ADAMTSL1: variants seen among roughly 807,000 people sequenced by gnomAD.
ADAMTSL1 encodes ADAMTS like 1.
In ADAMTSL1, 126 loss-of-function variants were observed where a neutral mutation model predicts 201.8. The ratio of observed to expected loss-of-function variants is 0.62; its 90% confidence interval spans 0.54 to 0.72. The LOEUF (loss-of-function observed/expected upper bound fraction) is 0.72. ADAMTSL1 is among the 30% of genes least tolerant of loss of function. The pLI is 0.00. For synonymous variants in ADAMTSL1, 1,121 were observed against 903.4 expected, an observed-to-expected ratio of 1.24 and a Z score of -4.32; for missense variants, 2,679 against 2,277.8, an observed-to-expected ratio of 1.18 and a Z score of -3.59.
chr9:18,287,983 T>C (rs1563860508), intron 2 of ADAMTSL1, among the ~76,000 whole-genome samples: 1 of 152,108 alleles, frequency 6.6e-6, no homozygotes, highest in Non-Finnish European at 1.5e-5. Flanking sequence ...TTCTAAAGTG[T>C]ATTGAGATTG....
Position 18,777,912 on chromosome 9 carries a change from C to G in ADAMTSL1, c.3677+6C>G. On this transcript the variant is annotated splice_donor_region_variant and intron_variant, in intron 19 of 28. Coordinates refer to ENST00000380548, the MANE Select transcript of ADAMTSL1 (RefSeq NM_001040272.6). Reference sequence around the variant, plus strand: ...GAAGTTCAGTTCAGTGACAGGTGAGCCTTGTAGCTAACCTGGTCTTGGGAG... The same window carrying G: ...GAAGTTCAGTTCAGTGACAGGTGAGGCTTGTAGCTAACCTGGTCTTGGGAG... 1.3e-6 allele frequency: 2 copies of G among 1,531,694 alleles called. No homozygotes were observed. The highest frequency in any genetic ancestry group is 2.3e-5 in the East Asian group (1 of 43,940). The allele number at this position is 1,531,694 out of a possible 1,614,324, so 94.9% of individuals were successfully genotyped here. A position where few individuals can be genotyped will look rare whatever the true frequency, so the allele number is the denominator to read the frequency against.
intron 1 of ADAMTSL1, among the ~76,000 whole-genome samples, chr9:17,992,965 G>A (rs546614469): frequency 1.3e-5 from 2 of 152,198 alleles, no homozygotes; most frequent in South Asian, 4.2e-4. Context: ...GTGAAGAGAG[G>A]GGTATTAATC....
chr9:18,295,627 G>A (rs1399298638), intron 2 of ADAMTSL1, among the ~76,000 whole-genome samples: 3 of 152,088 alleles, frequency 2.0e-5, no homozygotes, highest in Admixed American at 6.5e-5. Context: ...CATGAGCCAC[G>A]GTGCCCGGCT....
rs1288081778 is a variant in ADAMTSL1, at chr9:18,889,160, T to G, written c.4463-408T>G. On this transcript the variant is annotated intron_variant, in intron 24 of 28. Coordinates refer to ENST00000380548, the MANE Select transcript of ADAMTSL1 (RefSeq NM_001040272.6). ...CTGTGATGGTTAAATATTTGCTATATTTATATATCTTTGTAGAAAACAAAG... is the reference window on the plus strand; with the variant it reads ...CTGTGATGGTTAAATATTTGCTATAGTTATATATCTTTGTAGAAAACAAAG... Among the ~76,000 whole-genome samples, 3 of 152,184 alleles carry G rather than the reference T, an allele frequency of 2.0e-5. No individual in the cohort carries two copies. The East Asian group carries it at 5.8e-4, about 29-fold the overall frequency.
chr9:17,937,563 G>A (rs1197967909), intron 1 of ADAMTSL1, among the ~76,000 whole-genome samples: 1 of 115,934 alleles, frequency 8.6e-6, no homozygotes, highest in Non-Finnish European at 1.9e-5. Flanking sequence ...ATAAACTTTG[G>A]TAATATTAAC....
At chr9:18,755,620 T>G (rs1819706378) in intron 16 of ADAMTSL1, among the ~76,000 whole-genome samples, 1 of 152,236 alleles carries the variant, frequency 6.6e-6, no homozygotes, top group Non-Finnish European at 1.5e-5. Context: ...GCCATATATA[T>G]GACCTTTTTT....
intron 13 of ADAMTSL1, among the ~76,000 whole-genome samples, chr9:18,688,704 A>ATATATATATATATATCTC (rs138160150): frequency 1.4e-5 from 1 of 72,488 alleles, no homozygotes; most frequent in Non-Finnish European, 2.6e-5. Context: ...ATATATATAT[A>ATATATATATATATATCTC]TATATGACTG....
chr9:18,564,408 T>C (rs1179004023), intron 3 of ADAMTSL1, among the ~76,000 whole-genome samples: 2 of 152,146 alleles, frequency 1.3e-5, no homozygotes, highest in Non-Finnish European at 2.9e-5. Flanking sequence ...ATCACCTGGC[T>C]TCTATGTTGA....
At chr9:18,489,213 G>A (rs1207055391) in intron 1 of ADAMTSL1, among the ~76,000 whole-genome samples, 1 of 152,100 alleles carries the variant, frequency 6.6e-6, no homozygotes, top group African/African-American at 2.4e-5. Context: ...AACTGTTAGT[G>A]GATATATCTC....
chr9:17,951,862 G>T (rs1245771581), intron 1 of ADAMTSL1, among the ~76,000 whole-genome samples: 2 of 151,964 alleles, frequency 1.3e-5, no homozygotes, highest in African/African-American at 4.8e-5. Context: ...CTGTCACTGA[G>T]ACTGGAGTCC....
chr9:18,741,293 G>A (rs760899223), intron 15 of ADAMTSL1, among the ~76,000 whole-genome samples: 18 of 151,440 alleles, frequency 1.2e-4, no homozygotes, highest in African/African-American at 3.4e-4. Context: ...GCATGAATAC[G>A]AGTACACATA....
rs185555800 is a variant in ADAMTSL1 at position 18,671,437 on chromosome 9, G to A, written c.1086-4420G>A. Among the ~76,000 whole-genome samples the A allele has an allele frequency of 4.6e-5, 7 of 152,286 alleles. No individual in the cohort carries two copies. In the East Asian group the frequency reaches 1.3e-3, roughly 29 times the overall value. On this transcript the variant is annotated intron_variant, in intron 9 of 28. Transcript: ENST00000380548. ...ATGAAAGTGCCCAAACTTGTGTCAGGAGGAGATCTACTTGGCAAACATTGC... is the reference window on the plus strand; with the variant it reads ...ATGAAAGTGCCCAAACTTGTGTCAGAAGGAGATCTACTTGGCAAACATTGC...
chr9:18,016,003 A>G (rs1300093263), intron 1 of ADAMTSL1, among the ~76,000 whole-genome samples: 12 of 152,068 alleles, frequency 7.9e-5, no homozygotes, highest in Admixed American at 7.2e-4. Flanking sequence ...TTATTATGGC[A>G]GATCTAATCT....
intron 2 of ADAMTSL1, among the ~76,000 whole-genome samples, chr9:18,409,914 ATTAT>A (rs915169706): frequency 1.3e-5 from 2 of 151,016 alleles, no homozygotes; most frequent in Non-Finnish European, 3.0e-5. Flanking sequence ...ATTCCTACAG[ATTAT>A]TTATTTTACT....
At chr9:18,563,414 C>T (rs1417256852) in intron 3 of ADAMTSL1, among the ~76,000 whole-genome samples, 1 of 152,120 alleles carries the variant, frequency 6.6e-6, no homozygotes, top group East Asian at 1.9e-4. Flanking sequence ...CCACCAGATG[C>T]CAGCTGGAGC....
intron 26 of ADAMTSL1, among the ~76,000 whole-genome samples, chr9:18,903,445 G>A (rs1339402371): frequency 1.3e-5 from 2 of 152,154 alleles, no homozygotes; most frequent in East Asian, 1.9e-4. Flanking sequence ...GGTTACATGT[G>A]CAGATGAGGA....
intron 2 of ADAMTSL1, among the ~76,000 whole-genome samples, chr9:18,243,336 C>G (rs1180373202): frequency 6.6e-6 from 1 of 152,090 alleles, no homozygotes; most frequent in Non-Finnish European, 1.5e-5. Flanking sequence ...CTTTCTTATG[C>G]TCATTGATAG....
chr9:18,046,123 G>A (rs1484349564), intron 1 of ADAMTSL1, among the ~76,000 whole-genome samples: 2 of 152,148 alleles, frequency 1.3e-5, no homozygotes. Flanking sequence ...TTAAGGGAAT[G>A]GCAAGTTGAG....
chr9:18,138,988 T>C (rs1331089), intron 1 of ADAMTSL1, among the ~76,000 whole-genome samples: 122,656 of 152,100 alleles, frequency 0.81, 49,571 homozygotes, highest in Admixed American at 0.84. Flanking sequence ...GGATTTTACT[T>C]GTGTCTGCCA....
Sources: gnomAD v4.1 joint callset for allele counts (sites outside exome capture counted in the v4.1 genomes callset) on GRCh38, gnomAD v4.1.1 for gene constraint, MANE v1.5 for transcripts, NCBI Gene and HGNC (gene_info 2026-07-23, HGNC 2026-07-21) for gene names.